The following PRKN variants were observed in gnomAD, a reference collection of about 807,000 sequenced individuals.
The protein encoded by PRKN is E3 ubiquitin-protein ligase parkin.
PRKN carries 56 observed loss-of-function variants against 59.5 expected under a neutral mutation model. The ratio of observed to expected loss-of-function variants is 0.94; its 90% CI spans 0.76 to 1.18. PRKN has a LOEUF of 1.18. PRKN is among the 50% of genes most tolerant of loss of function. The probability of loss-of-function intolerance (pLI) is 0.00; values close to 1 mark genes in which losing one functional copy is unlikely to be tolerated. For missense variants in PRKN, 657 were observed against 596.4 expected (o/e 1.10, Z -1.06); for synonymous variants, 250 against 222.1 (o/e 1.13, Z -1.12).
intron 4 of PRKN, among the ~76,000 whole-genome samples, chr6:162,139,781 G>A (rs1379502712): frequency 6.6e-6 from 1 of 151,944 alleles, no homozygotes; most frequent in Non-Finnish European, 1.5e-5. Flanking sequence ...GTATCTGTAG[G>A]TACCAGTTGA....
chr6:161,574,056 CA>C (rs1334913201), intron 7 of PRKN, among the ~76,000 whole-genome samples: 1 of 151,424 alleles, frequency 6.6e-6, no homozygotes, highest in Non-Finnish European at 1.5e-5. Flanking sequence ...CTGGTAGGTT[CA>C]AAAAAACAAC....
intron 7 of PRKN, among the ~76,000 whole-genome samples, chr6:161,702,625 G>GT (rs1222838129): frequency 3.3e-5 from 5 of 152,242 alleles, no homozygotes; most frequent in African/African-American, 1.2e-4. Flanking sequence ...ATGGGTGGTG[G>GT]TGATGGTTGC....
At chr6:162,236,642 A>T (rs1208329517) in intron 3 of PRKN, among the ~76,000 whole-genome samples, 2 of 151,922 alleles carry the variant, frequency 1.3e-5, no homozygotes, top group Non-Finnish European at 2.9e-5. Flanking sequence ...AAAAAAAAAA[A>T]AAATTAACTG....
intron 5 of PRKN, among the ~76,000 whole-genome samples, chr6:162,027,748 C>T (rs1783489927): frequency 6.6e-6 from 1 of 151,824 alleles, no homozygotes; most frequent in Non-Finnish European, 1.5e-5. Flanking sequence ...TGGGAAGGGG[C>T]ATGCTTATTT....
chr6:162,538,065 G>A (rs986583940), intron 1 of PRKN, among the ~76,000 whole-genome samples: 1 of 152,174 alleles, frequency 6.6e-6, no homozygotes, highest in Non-Finnish European at 1.5e-5. Context: ...AAAAATTCAT[G>A]TAAGAGCAAA....
chr6:162,059,028 C>T (rs1471063114), intron 4 of PRKN, among the ~76,000 whole-genome samples: 2 of 150,468 alleles, frequency 1.3e-5, no homozygotes, highest in Non-Finnish European at 3.0e-5. Context: ...TTATATTTTG[C>T]TTCACAGAGT....
intron 5 of PRKN, among the ~76,000 whole-genome samples, chr6:162,036,774 C>G (rs1783866590): frequency 6.6e-6 from 1 of 152,096 alleles, no homozygotes. Context: ...GAAATGGTTT[C>G]ATACAAGAAT....
intron 7 of PRKN, among the ~76,000 whole-genome samples, chr6:161,722,571 G>T (rs1428626986): frequency 6.6e-6 from 1 of 152,068 alleles, no homozygotes; most frequent in East Asian, 1.9e-4. Context: ...TGGTCCAAAC[G>T]TGTAAACATT....
At chr6:162,190,777 G>C (rs544464019) in intron 4 of PRKN, among the ~76,000 whole-genome samples, 1 of 152,242 alleles carries the variant, frequency 6.6e-6, no homozygotes, top group East Asian at 1.9e-4. Context: ...ATCAACAAAG[G>C]ATCTACTATG....
intron 1 of PRKN, among the ~76,000 whole-genome samples, chr6:162,706,387 C>T (rs531381012): frequency 6.6e-6 from 1 of 152,108 alleles, no homozygotes; most frequent in African/African-American, 2.4e-5. Flanking sequence ...TTACTTTCAA[C>T]AAGATAATTC....
chr6:161,929,181 C>A (rs960560998), intron 6 of PRKN, among the ~76,000 whole-genome samples: 1 of 151,976 alleles, frequency 6.6e-6, no homozygotes, highest in South Asian at 2.1e-4. Context: ...CCTGGATGAA[C>A]CTTATAAACA....
intron 2 of PRKN, among the ~76,000 whole-genome samples, chr6:162,268,152 T>A (rs1022083214): frequency 2.6e-5 from 4 of 152,218 alleles, no homozygotes; most frequent in Non-Finnish European, 5.9e-5. Context: ...TATTTATTAT[T>A]CTCACACTCT....
rs148035118 is a variant in PRKN, at chr6:162,033,629, T to C, written c.618+20462A>G. ...GAGGTAGAATGGAAAGCCAGGTTCC[T>C]GAGTTCTAATCATTCCCAGAGGTTC... On this transcript the variant is annotated intron_variant, in intron 5 of 11. Transcript: ENST00000366898. Among the ~76,000 whole-genome samples the C allele has an allele frequency of 8.3e-3, 1,263 of 152,316 alleles. 16 individuals are homozygous for C. The highest frequency in any genetic ancestry group is 0.029 in the African/African-American group (1,216 of 41,588).
rs1491492663 is a variant in PRKN at position 162,469,349 on chromosome 6, CAG to C, written c.8-25878_8-25877del. Among the ~76,000 whole-genome samples, 9 of 57,788 alleles carry C rather than the reference CAG, an allele frequency of 1.6e-4. 1 individual carries two copies. In the South Asian group the frequency reaches 1.6e-3, roughly 10 times the overall value. The allele number at this position is 57,788 out of a possible 152,430, so 37.9% of individuals were successfully genotyped here. On this transcript the variant is annotated intron_variant, in intron 1 of 11. Transcript: ENST00000366898. ...GAATGTTAAGAAAGTGGGGGGGTTG[CAG>C]GGGGGGGTGGGTGACAGAGGAAGTC... is the stretch of plus-strand genomic sequence containing the variant.
At chr6:162,442,544 CCCT>C (rs1159992983) in intron 2 of PRKN, among the ~76,000 whole-genome samples, 1 of 152,120 alleles carries the variant, frequency 6.6e-6, no homozygotes, top group Non-Finnish European at 1.5e-5. Flanking sequence ...TCACCAGTCC[CCCT>C]AATTCCTACA....
At chr6:162,510,959 T>C (rs1777585974) in intron 1 of PRKN, among the ~76,000 whole-genome samples, 2 of 121,564 alleles carry the variant, frequency 1.6e-5, no homozygotes, top group Admixed American at 8.4e-5. Flanking sequence ...AAAACATATA[T>C]ACATATATAT....
At chr6:162,632,555 A>T (rs1395342297) in intron 1 of PRKN, among the ~76,000 whole-genome samples, 1 of 152,146 alleles carries the variant, frequency 6.6e-6, no homozygotes, top group African/African-American at 2.4e-5. Context: ...TATGCTCACT[A>T]CCTGGGTGAT....
chr6:162,215,841 C>T (rs546039574), intron 3 of PRKN, among the ~76,000 whole-genome samples: 22 of 152,020 alleles, frequency 1.4e-4, no homozygotes, highest in African/African-American at 5.3e-4. Flanking sequence ...GTCAGGAGTT[C>T]AAGACTAGCT....
chr6:161,691,525 G>T (rs768196998), intron 7 of PRKN, among the ~76,000 whole-genome samples: 8 of 152,200 alleles, frequency 5.3e-5, no homozygotes, highest in Non-Finnish European at 8.8e-5. Context: ...CTCTGTTTTT[G>T]AATAGAGATT....
Sources: gnomAD v4.1 joint callset for allele counts (sites outside exome capture counted in the v4.1 genomes callset) on GRCh38, gnomAD v4.1.1 for gene constraint, MANE v1.5 for transcripts, NCBI Gene and HGNC (gene_info 2026-07-23, HGNC 2026-07-21) for gene names.